MTHFD1L: variants seen among roughly 807,000 people sequenced by gnomAD.
MTHFD1L encodes methylenetetrahydrofolate dehydrogenase (NADP+ dependent) 1 like, also known as monofunctional C1-tetrahydrofolate synthase, mitochondrial.
A neutral mutation model predicts 119.5 loss-of-function variants in MTHFD1L; 81 were observed. The ratio of observed to expected loss-of-function variants is 0.68; its 90% CI spans 0.57 to 0.82. The LOEUF (loss-of-function observed/expected upper bound fraction) is 0.82, where lower values mean the gene tolerates loss of function less well. Among genes scored for constraint, MTHFD1L ranks in the 40% least tolerant of loss-of-function variants. The probability of loss-of-function intolerance (pLI) is 0.00; values close to 1 mark genes in which losing one functional copy is unlikely to be tolerated. For synonymous variants in MTHFD1L, 430 were observed against 475.2 expected, an observed-to-expected ratio of 0.90 and a Z score of 1.24; for missense variants, 1,125 against 1,253.4, an observed-to-expected ratio of 0.90 and a Z score of 1.55.
chr6:151,057,417 G>A, intron 26 of MTHFD1L: 1 of 875,796 alleles, frequency 1.1e-6, no homozygotes, highest in Non-Finnish European at 1.4e-6. Flanking sequence ...GAGGTGGGTG[G>A]ATTGCTTGAG....
At chr6:150,997,246 G>C (rs1779918211) in intron 20 of MTHFD1L, among the ~76,000 whole-genome samples, 1 of 152,206 alleles carries the variant, frequency 6.6e-6, no homozygotes, top group Admixed American at 6.5e-5. Flanking sequence ...TGAGTGCACT[G>C]CTGGTACTGT....
chr6:150,923,063 C>T (rs1030603211), intron 10 of MTHFD1L, among the ~76,000 whole-genome samples: 3 of 152,054 alleles, frequency 2.0e-5, no homozygotes, highest in Admixed American at 1.3e-4. Context: ...CGTATATATC[C>T]GCCTGGTGTT....
intron 22 of MTHFD1L, 94 bp downstream of exon 22, chr6:151,013,914 T>C: frequency 1.8e-6 from 2 of 1,121,832 alleles, no homozygotes; most frequent in South Asian, 1.3e-5. Flanking sequence ...AGTGGCCTCT[T>C]AGAAAAGTGC....
intron 20 of MTHFD1L, among the ~76,000 whole-genome samples, chr6:150,982,483 A>G (rs937896524): frequency 6.6e-6 from 1 of 152,184 alleles, no homozygotes; most frequent in African/African-American, 2.4e-5. Flanking sequence ...TGCTGTTACA[A>G]ATAATGCTAC....
chr6:150,954,027 G>C (rs7744181), intron 16 of MTHFD1L, among the ~76,000 whole-genome samples: 104,900 of 152,064 alleles, frequency 0.69, 36,509 homozygotes, highest in African/African-American at 0.75. Flanking sequence ...GTGAGGGTGT[G>C]AGTGTGTCTG....
intron 26 of MTHFD1L, among the ~76,000 whole-genome samples, chr6:151,066,868 A>G (rs1238189862): frequency 6.6e-6 from 1 of 152,156 alleles, no homozygotes; most frequent in East Asian, 1.9e-4. Context: ...TGTCAAGGAT[A>G]AGCTCTCATC....
intron 27 of MTHFD1L, among the ~76,000 whole-genome samples, chr6:151,094,165 C>A (rs1400139015): frequency 1.3e-5 from 2 of 152,194 alleles, no homozygotes; most frequent in East Asian, 3.8e-4. Flanking sequence ...CGCAAGCACC[C>A]CGCCTCCTTC....
intron 19 of MTHFD1L, among the ~76,000 whole-genome samples, chr6:150,968,341 TTA>T (rs1797523557): frequency 6.6e-6 from 1 of 152,162 alleles, no homozygotes. Context: ...AAGTGAATGT[TTA>T]TTATTTTTAC....
intron 6 of MTHFD1L, among the ~76,000 whole-genome samples, chr6:150,887,398 C>T (rs952733543): frequency 6.6e-6 from 1 of 152,220 alleles, no homozygotes; most frequent in African/African-American, 2.4e-5. Flanking sequence ...TTGATTACAA[C>T]ACCCCACTCC....
intron 20 of MTHFD1L, among the ~76,000 whole-genome samples, chr6:150,975,108 C>T (rs1208288628): frequency 6.6e-6 from 1 of 152,210 alleles, no homozygotes; most frequent in Non-Finnish European, 1.5e-5. Context: ...TTTATCCACT[C>T]ATCCTACATT....
chr6:150,890,798 C>A (rs1278031474), intron 7 of MTHFD1L, among the ~76,000 whole-genome samples: 1 of 152,154 alleles, frequency 6.6e-6, no homozygotes, highest in Non-Finnish European at 1.5e-5. Context: ...AAGCAGGCGA[C>A]TTGAAAAACC....
intron 20 of MTHFD1L, among the ~76,000 whole-genome samples, chr6:151,006,118 C>T (rs200026435): frequency 1.4e-4 from 21 of 145,196 alleles, no homozygotes; most frequent in East Asian, 4.4e-4. Context: ...ATGTGGGAGA[C>T]GGCACGTCAG....
At chr6:150,877,847 A>C in intron 4 of MTHFD1L, 21 bp downstream of exon 4, 1 of 1,614,096 alleles carries the variant, frequency 6.2e-7, no homozygotes, top group Non-Finnish European at 8.5e-7. Context: ...CAGAGCTCTA[A>C]ACTCTTGCTT....
At chr6:150,995,100 GTTC>G (rs1472826715) in intron 20 of MTHFD1L, among the ~76,000 whole-genome samples, 2 of 151,842 alleles carry the variant, frequency 1.3e-5, no homozygotes, top group African/African-American at 2.4e-5. Context: ...TTGAGGGTCT[GTTC>G]TTCTTTTATA....
intron 20 of MTHFD1L, among the ~76,000 whole-genome samples, chr6:150,997,955 G>A (rs188645829): frequency 5.3e-5 from 8 of 152,210 alleles, no homozygotes; most frequent in African/African-American, 1.4e-4. Flanking sequence ...TGGCAGGTCC[G>A]TCTCTTCCCT....
intron 25 of MTHFD1L, among the ~76,000 whole-genome samples, chr6:151,035,107 C>T (rs1342300776): frequency 4.6e-5 from 7 of 152,154 alleles, no homozygotes; most frequent in South Asian, 2.1e-4. Flanking sequence ...TGAGCTTGTC[C>T]GCTGAGATTG....
chr6:150,951,333 AG>A (rs1374196670), intron 16 of MTHFD1L, among the ~76,000 whole-genome samples: 1 of 152,120 alleles, frequency 6.6e-6, no homozygotes, highest in African/African-American at 2.4e-5. Context: ...CACCCAGCCT[AG>A]AAACTTTCAA....
At chr6:151,094,359 C>CTTG (rs571984995) in intron 27 of MTHFD1L, among the ~76,000 whole-genome samples, 13 of 151,958 alleles carry the variant, frequency 8.6e-5, no homozygotes, top group South Asian at 2.1e-4. Context: ...CACTTGAGGA[C>CTTG]TTGTTGTTGT....
chr6:151,029,857 T>G (rs1314596179), intron 24 of MTHFD1L, among the ~76,000 whole-genome samples: 1 of 152,206 alleles, frequency 6.6e-6, no homozygotes, highest in Non-Finnish European at 1.5e-5. Context: ...CACTAGTCAT[T>G]CGATTGCTAT....
Sources: gnomAD v4.1 joint callset for allele counts (sites outside exome capture counted in the v4.1 genomes callset) on GRCh38, gnomAD v4.1.1 for gene constraint, MANE v1.5 for transcripts, NCBI Gene and HGNC (gene_info 2026-07-23, HGNC 2026-07-21) for gene names.